Variants in FBXO4 observed in about 807,000 individuals in gnomAD.
FBXO4 encodes F-box only protein 4.
In FBXO4, 36 loss-of-function variants were observed where a neutral mutation model predicts 43.7. The observed-to-expected ratio is 0.82, with a 90% confidence interval of 0.63 to 1.09. The LOEUF is 1.09. Among genes scored for constraint, FBXO4 ranks in the 50% least tolerant of loss-of-function variants. The pLI is 0.00. For missense variants in FBXO4, 435 were observed against 474.1 expected, an observed-to-expected ratio of 0.92 and a Z score of 0.77; for synonymous variants, 180 against 165.6, an observed-to-expected ratio of 1.09 and a Z score of -0.67.
chr5:42,026,998 C>T, the FBXO4 span, among the ~76,000 whole-genome samples: 2 of 151,868 alleles, frequency 1.3e-5, no homozygotes, highest in African/African-American at 4.8e-5. Flanking sequence ...AGATATTGGC[C>T]TGTAGTTTTC....
the FBXO4 span, among the ~76,000 whole-genome samples, chr5:41,953,966 T>C: frequency 5.2e-3 from 797 of 152,298 alleles, 2 homozygotes; most frequent in Admixed American, 8.4e-3. Flanking sequence ...ATAAGTAAAC[T>C]AGCATTCTGG....
At chr5:41,926,596 A>C (rs1054948529) in intron 1 of FBXO4, among the ~76,000 whole-genome samples, 1 of 151,696 alleles carries the variant, frequency 6.6e-6, no homozygotes, top group Non-Finnish European at 1.5e-5. Context: ...ACAAATGTAC[A>C]CTCTTTGATT....
intron 3 of FBXO4, among the ~76,000 whole-genome samples, chr5:41,932,777 T>C (rs759417852): frequency 1.3e-5 from 2 of 152,110 alleles, no homozygotes; most frequent in African/African-American, 2.4e-5. Context: ...GTCATGGGGA[T>C]ACAGAGAACT....
At chr5:41,956,206 C>A in the FBXO4 span, among the ~76,000 whole-genome samples, 1 of 152,112 alleles carries the variant, frequency 6.6e-6, no homozygotes, top group African/African-American at 2.4e-5. Context: ...TAACTATACA[C>A]CCTATGTTCA....
chr5:42,005,747 C>T, the FBXO4 span, among the ~76,000 whole-genome samples: 1 of 152,048 alleles, frequency 6.6e-6, no homozygotes, highest in South Asian at 2.1e-4. Flanking sequence ...CAGTAGGGGG[C>T]AACTGAGAAT....
chr5:42,004,736 A>G, the FBXO4 span, among the ~76,000 whole-genome samples: 1 of 151,880 alleles, frequency 6.6e-6, no homozygotes, highest in Non-Finnish European at 1.5e-5. Context: ...CTACAAGGAT[A>G]AAAAAAACAA....
At chr5:41,952,975 A>T in the FBXO4 span, among the ~76,000 whole-genome samples, 1 of 150,738 alleles carries the variant, frequency 6.6e-6, no homozygotes, top group South Asian at 2.1e-4. Context: ...ATTTTTGTGA[A>T]TGCTTTCATT....
At chr5:41,999,421 A>AAT in the FBXO4 span, among the ~76,000 whole-genome samples, 12 of 139,642 alleles carry the variant, frequency 8.6e-5, no homozygotes, top group East Asian at 2.0e-4. Flanking sequence ...TGTATGTATA[A>AAT]ATATATATAT....
At chr5:41,985,644 A>G in the FBXO4 span, among the ~76,000 whole-genome samples, 1 of 152,158 alleles carries the variant, frequency 6.6e-6, no homozygotes, top group South Asian at 2.1e-4. Context: ...AGCCTGCGTT[A>G]TAATTTTGAC....
the FBXO4 span, among the ~76,000 whole-genome samples, chr5:41,978,354 T>C: frequency 6.6e-6 from 1 of 152,060 alleles, no homozygotes; most frequent in East Asian, 1.9e-4. Context: ...GGAACAAACA[T>C]TCAAACTCTA....
chr5:42,006,912 A>ATG, the FBXO4 span, among the ~76,000 whole-genome samples: 1 of 141,048 alleles, frequency 7.1e-6, no homozygotes. Context: ...ATATATATAT[A>ATG]TATATGTATA....
chr5:41,991,505 A>G, the FBXO4 span, among the ~76,000 whole-genome samples: 5 of 152,306 alleles, frequency 3.3e-5, no homozygotes, highest in African/African-American at 1.2e-4. Flanking sequence ...GCTCCTAAAC[A>G]TTGGTTGAGA....
intron 5 of FBXO4, among the ~76,000 whole-genome samples, chr5:41,935,498 C>T (rs566979123): frequency 6.6e-6 from 1 of 152,348 alleles, no homozygotes; most frequent in East Asian, 1.9e-4. Context: ...GAAACAAAAG[C>T]TGTCTTAGGG....
the FBXO4 span, among the ~76,000 whole-genome samples, chr5:42,030,761 G>GA: frequency 1.3e-5 from 2 of 151,724 alleles, no homozygotes; most frequent in African/African-American, 4.8e-5. Flanking sequence ...AAATTTACAA[G>GA]AAAAAAACAA....
At chr5:41,971,964 C>A in the FBXO4 span, among the ~76,000 whole-genome samples, 1 of 151,998 alleles carries the variant, frequency 6.6e-6, no homozygotes, top group Non-Finnish European at 1.5e-5. Context: ...CCATTTATGA[C>A]AAACCCACAG....
At chr5:41,996,519 C>T in the FBXO4 span, among the ~76,000 whole-genome samples, 114 of 152,340 alleles carry the variant, frequency 7.5e-4, no homozygotes, top group African/African-American at 2.6e-3. Context: ...ACCATTGGAT[C>T]TGCTGGGTCA....
chr5:42,030,906 A>C, the FBXO4 span, among the ~76,000 whole-genome samples: 1 of 152,234 alleles, frequency 6.6e-6, no homozygotes, highest in Non-Finnish European at 1.5e-5. Context: ...AACCACAATG[A>C]GATACCATCT....
chr5:41,961,039 T>C, the FBXO4 span, among the ~76,000 whole-genome samples: 1 of 152,256 alleles, frequency 6.6e-6, no homozygotes, highest in South Asian at 2.1e-4. Context: ...CTCCTCTTCC[T>C]TACTTTACGT....
downstream of FBXO4, among the ~76,000 whole-genome samples, chr5:41,943,582 G>C (rs1450620423): frequency 6.6e-6 from 1 of 151,996 alleles, no homozygotes; most frequent in Admixed American, 6.6e-5. Flanking sequence ...GTCACTCTCT[G>C]AAATGATTAT....
Sources: allele counts gnomAD v4.1 joint callset (sites outside exome capture counted in the v4.1 genomes callset), GRCh38; gene constraint gnomAD v4.1.1; transcripts MANE v1.5; gene names NCBI Gene and HGNC (gene_info 2026-07-23, HGNC 2026-07-21).